ABLIM2: variants seen among roughly 807,000 people sequenced by gnomAD.
The protein encoded by ABLIM2 is actin-binding LIM protein 2.
ABLIM2 carries 53 observed loss-of-function variants against 97.7 expected under a neutral mutation model. The ratio of observed to expected loss-of-function variants is 0.54; its 90% CI spans 0.44 to 0.68. The LOEUF is 0.68. Among genes scored for constraint, ABLIM2 ranks in the 30% least tolerant of loss-of-function variants. ABLIM2 has a pLI of 0.00. For missense variants in ABLIM2, 835 were observed against 867.2 expected, an observed-to-expected ratio of 0.96 and a Z score of 0.47; for synonymous variants, 361 against 345.8, an observed-to-expected ratio of 1.04 and a Z score of -0.49.
chr4:8,084,497 C>T (rs2152479388), intron 4 of ABLIM2, among the ~76,000 whole-genome samples: 1 of 152,300 alleles, frequency 6.6e-6, no homozygotes, highest in Admixed American at 6.5e-5. Context: ...GACACAGGGG[C>T]TCCACGTGCC....
intron 8 of ABLIM2, among the ~76,000 whole-genome samples, chr4:8,053,699 G>A (rs182048844): frequency 2.0e-5 from 3 of 152,314 alleles, no homozygotes; most frequent in Non-Finnish European, 2.9e-5. Flanking sequence ...CTTTGTGACA[G>A]TGTTGGAGGT....
chr4:8,084,071 T>C (rs1175566943), intron 4 of ABLIM2, among the ~76,000 whole-genome samples: 2 of 151,974 alleles, frequency 1.3e-5, no homozygotes, highest in African/African-American at 4.8e-5. Flanking sequence ...CTAGATCAAA[T>C]CTGAGACTGA....
In ABLIM2 at chr4:7,978,982, C is replaced by T. The variant is rs570530560; in HGVS notation, c.1824+4282G>A. On this transcript the variant is annotated intron_variant, in intron 20 of 20. Coordinates refer to ENST00000447017, the MANE Select transcript of ABLIM2 (RefSeq NM_001130083.2). Reference sequence around the variant, plus strand: ...CGTACTGGATTTGCAGCCTCATCTGCGCACTCACTGGATTCACAGCCTCAC... The same window carrying T: ...CGTACTGGATTTGCAGCCTCATCTGTGCACTCACTGGATTCACAGCCTCAC... Among the ~76,000 whole-genome samples the T allele has an allele frequency of 3.9e-5, 6 of 152,222 alleles. No individual in the cohort carries two copies. The South Asian group carries it at 1.0e-3, about 26-fold the overall frequency.
rs576366323 is a variant in ABLIM2 at position 8,032,658 on chromosome 4, G to A, written c.1048-2882C>T. ...GAGGGTGGTGGTTACCTCGGTCGGCGTTGGCGAGAGCAACTGAGGGGACTG... is the reference window on the plus strand; with the variant it reads ...GAGGGTGGTGGTTACCTCGGTCGGCATTGGCGAGAGCAACTGAGGGGACTG... On this transcript the variant is annotated intron_variant, in intron 10 of 20. Coordinates refer to ENST00000447017, the MANE Select transcript of ABLIM2 (RefSeq NM_001130083.2). The surrounding 1 kb of genome is among the most constrained non-coding windows in gnomAD (Gnocchi z 4.3). The A allele has an allele frequency of 2.2e-5, 35 of 1,612,592 alleles. No individual in the cohort carries two copies. The highest frequency in any genetic ancestry group is 8.8e-5 in the South Asian group (8 of 91,076).
chr4:7,975,556 C>T (rs1254390099), intron 20 of ABLIM2, among the ~76,000 whole-genome samples: 4 of 152,202 alleles, frequency 2.6e-5, no homozygotes, highest in African/African-American at 9.6e-5. Flanking sequence ...ATCACATCTG[C>T]CCACATGCTG....
intron 1 of ABLIM2, among the ~76,000 whole-genome samples, chr4:8,134,500 T>C (rs999929320): frequency 6.6e-6 from 1 of 152,082 alleles, no homozygotes; most frequent in African/African-American, 2.4e-5. Flanking sequence ...CTAAAACCAA[T>C]AGCGATCCAT....
intron 7 of ABLIM2, among the ~76,000 whole-genome samples, chr4:8,056,729 G>A (rs548760118): frequency 6.5e-4 from 99 of 151,826 alleles, no homozygotes; most frequent in African/African-American, 2.2e-3. Context: ...TCAGGAGATC[G>A]AGACCATTCT....
chr4:8,059,314 A>C (rs1272924171), intron 7 of ABLIM2, among the ~76,000 whole-genome samples: 1 of 151,852 alleles, frequency 6.6e-6, no homozygotes, highest in African/African-American at 2.4e-5. Context: ...TTACTGGGGG[A>C]AACAGCAGAC....
rs926605926 is a variant in ABLIM2 at position 8,149,253 on chromosome 4, G to C, written c.10+9427C>G. Among the ~76,000 whole-genome samples the C allele has an allele frequency of 3.9e-5, 6 of 152,176 alleles. No homozygotes were observed. The highest frequency in any genetic ancestry group is 1.2e-4 in the African/African-American group (5 of 41,428). On this transcript the variant is annotated intron_variant, in intron 1 of 20. Transcript: ENST00000447017. The surrounding 1 kb of genome is among the most constrained non-coding windows in gnomAD (Gnocchi z 6.4). ...GAAGCCTCAGGCCCCCTGAAATCCAGAGCAGTCTCCCTGTGGCAAAATCCT... is the reference window on the plus strand; with the variant it reads ...GAAGCCTCAGGCCCCCTGAAATCCACAGCAGTCTCCCTGTGGCAAAATCCT...
intron 18 of ABLIM2, among the ~76,000 whole-genome samples, chr4:7,984,576 AGAGTG>A (rs2149715277): frequency 6.6e-6 from 1 of 152,374 alleles, no homozygotes; most frequent in African/African-American, 2.4e-5. Context: ...CAAGTGACAC[AGAGTG>A]CCATACAATG....
At chr4:8,109,529 C>T (rs956961913) in intron 1 of ABLIM2, among the ~76,000 whole-genome samples, 1 of 152,210 alleles carries the variant, frequency 6.6e-6, no homozygotes, top group African/African-American at 2.4e-5. Flanking sequence ...TGCCCCTAAG[C>T]GTTCCCAGAA....
intron 1 of ABLIM2, among the ~76,000 whole-genome samples, chr4:8,144,222 A>G (rs965521962): frequency 3.9e-5 from 6 of 152,220 alleles, no homozygotes; most frequent in Non-Finnish European, 8.8e-5. Context: ...GCTCGGCCAG[A>G]AATTCCTGGT....
chr4:8,024,175 G>A (rs1410167029), intron 12 of ABLIM2, among the ~76,000 whole-genome samples: 6 of 152,156 alleles, frequency 3.9e-5, no homozygotes, highest in African/African-American at 1.2e-4. Context: ...TCCTTCTCAG[G>A]CCAGGGGTTC....
chr4:8,020,389 A>T (rs774414615), intron 12 of ABLIM2, 86 bp from the exon 13 acceptor site: 41 of 1,219,504 alleles, frequency 3.4e-5, no homozygotes, highest in Non-Finnish European at 4.5e-5. Context: ...GCTTATTTGC[A>T]GCGAGCCCCA....
intron 18 of ABLIM2, among the ~76,000 whole-genome samples, chr4:7,984,443 G>T (rs1243904241): frequency 6.6e-6 from 1 of 152,224 alleles, no homozygotes; most frequent in Non-Finnish European, 1.5e-5. Flanking sequence ...TAGTAGCCCT[G>T]CTGAACCCGG....
chr4:8,149,763 A>G lies in ABLIM2; in HGVS notation c.10+8917T>C, dbSNP rs1711961341. 6.6e-6 allele frequency among the ~76,000 whole-genome samples: 1 copy of G among 152,040 alleles called. No individual in the cohort carries two copies. The highest frequency in any genetic ancestry group is 2.1e-4 in the South Asian group (1 of 4,826). On this transcript the variant is annotated intron_variant, in intron 1 of 20. Coordinates refer to ENST00000447017, the MANE Select transcript of ABLIM2 (RefSeq NM_001130083.2). The surrounding 1 kb of genome is among the most constrained non-coding windows in gnomAD (Gnocchi z 6.4). Reference sequence around the variant, plus strand: ...TGGGAGGCTGTTGACTGCTGGACACAGAGAAGGCCCGGACCTAGGCTGAGA... The same window carrying G: ...TGGGAGGCTGTTGACTGCTGGACACGGAGAAGGCCCGGACCTAGGCTGAGA...
In ABLIM2 at chr4:7,970,584, G is replaced by A. The variant is rs935989535; in HGVS notation, c.1825-3481C>T. Among the ~76,000 whole-genome samples, 4 of 152,028 alleles carry A rather than the reference G, an allele frequency of 2.6e-5. No homozygotes were observed. The highest frequency in any genetic ancestry group is 5.9e-5 in the Non-Finnish European group (4 of 67,956). On this transcript the variant is annotated intron_variant, in intron 20 of 20. Coordinates refer to ENST00000447017, the MANE Select transcript of ABLIM2 (RefSeq NM_001130083.2). The surrounding 1 kb of genome is among the most constrained non-coding windows in gnomAD (Gnocchi z 5.3). The stretch of plus-strand genomic sequence containing the variant: ...CCAGGCTGTGGGAGCCTCTGGGGAG[G>A]GCGATTCGAGGAAGACTTGGAGCTG...
At chr4:8,086,114 T>C (rs1823433860) in intron 4 of ABLIM2, among the ~76,000 whole-genome samples, 1 of 152,092 alleles carries the variant, frequency 6.6e-6, no homozygotes, top group Non-Finnish European at 1.5e-5. Flanking sequence ...ACAGAAATGG[T>C]TCTAAGCTCA....
In ABLIM2 at chr4:8,122,682, C is replaced by G. The variant is rs1326666424; in HGVS notation, c.11-16045G>C. On this transcript the variant is annotated intron_variant, in intron 1 of 20. Coordinates refer to ENST00000447017, the MANE Select transcript of ABLIM2 (RefSeq NM_001130083.2). The surrounding 1 kb of genome is among the most constrained non-coding windows in gnomAD (Gnocchi z 4.1). ...GAACATGAACATTCACTTCTTAACA[C>G]CATCCACTGTCAGACCCTACATGGT... Among the ~76,000 whole-genome samples, 1 of 152,190 alleles carries G rather than the reference C, an allele frequency of 6.6e-6. No individual in the cohort carries two copies. Among genetic ancestry groups the G allele is most frequent in the Non-Finnish European group, 1.5e-5 (1 of 68,038 alleles).
Sources: allele counts gnomAD v4.1 joint callset (sites outside exome capture counted in the v4.1 genomes callset), GRCh38; gene constraint gnomAD v4.1.1; non-coding constraint Gnocchi (gnomAD v3.1); transcripts MANE v1.5; gene names NCBI Gene and HGNC (gene_info 2026-07-23, HGNC 2026-07-21).